The following ESCO1 variants were observed in gnomAD, a reference collection of about 807,000 sequenced individuals.
The protein encoded by ESCO1 is N-acetyltransferase ESCO1.
A neutral mutation model predicts 83.5 loss-of-function variants in ESCO1; 33 were observed. That is an observed-to-expected ratio of 0.40 (90% CI 0.30 to 0.53). ESCO1 has a LOEUF of 0.53. Ranked by LOEUF, ESCO1 falls within the 20% of genes least tolerant of loss-of-function variation. The pLI is 0.63. For missense variants in ESCO1, 855 were observed against 968.0 expected, an observed-to-expected ratio of 0.88 and a Z score of 1.55; for synonymous variants, 332 against 324.3, an observed-to-expected ratio of 1.02 and a Z score of -0.25.
At chr18:21,563,206 T>C (rs991316991) in intron 7 of ESCO1, among the ~76,000 whole-genome samples, 1 of 151,706 alleles carries the variant, frequency 6.6e-6, no homozygotes, top group Non-Finnish European at 1.5e-5. Context: ...AATCAACTAC[T>C]GAAAGGAGGT....
chr18:21,552,364 G>A (rs1444134389), intron 8 of ESCO1, among the ~76,000 whole-genome samples: 1 of 152,108 alleles, frequency 6.6e-6, no homozygotes, highest in Admixed American at 6.5e-5. Flanking sequence ...ACTCATGGGG[G>A]TAGTTACCCC....
intron 11 of ESCO1, among the ~76,000 whole-genome samples, chr18:21,531,173 G>A (rs940469837): frequency 1.3e-5 from 2 of 152,224 alleles, no homozygotes; most frequent in African/African-American, 2.4e-5. Flanking sequence ...CAGGCACAGT[G>A]TCTCACACCT....
rs1228539644 is a variant in ESCO1 at position 21,573,633 on chromosome 18, T to C, written c.1211A>G (p.His404Arg). The C allele has an allele frequency of 6.2e-7, 1 of 1,614,188 alleles. No homozygotes were observed. Among genetic ancestry groups the C allele is most frequent in the Admixed American group, 1.7e-5 (1 of 60,018 alleles). Reference sequence around the variant, plus strand: ...GGAAACTTGAGAGTCCAACTTATTGTGCTGCACAGAGTTAAATTTTGAGAG... The same window carrying C: ...GGAAACTTGAGAGTCCAACTTATTGCGCTGCACAGAGTTAAATTTTGAGAG... ...IKLSKFNSVQ[H>R]NKLDSQVSPK... The change falls in exon 4 of 12, where the codon CAC becomes CGC. Residue 404 changes from histidine to arginine, a missense_variant. His to Arg is a conservative substitution (Grantham distance 29). Around this residue, in one of 2 missense-constraint regions of ESCO1, gnomAD observed 726 missense variants for 699.5 expected, o/e 1.04. Transcript: ENST00000269214.
At chr18:21,562,665 T>C (rs2038204049) in intron 7 of ESCO1, among the ~76,000 whole-genome samples, 1 of 151,906 alleles carries the variant, frequency 6.6e-6, no homozygotes, top group Admixed American at 6.6e-5. Context: ...TCCTACTGAT[T>C]ATGTTGACTG....
intron 4 of ESCO1, among the ~76,000 whole-genome samples, chr18:21,570,920 T>G (rs1417746270): frequency 6.7e-6 from 1 of 148,942 alleles, no homozygotes; most frequent in South Asian, 2.1e-4. Context: ...GAGCCTGCAG[T>G]GAGCCGAGAT....
chr18:21,554,833 G>A (rs1416611197), intron 8 of ESCO1, among the ~76,000 whole-genome samples: 1 of 152,192 alleles, frequency 6.6e-6, no homozygotes, highest in Admixed American at 6.5e-5. Flanking sequence ...GCTTGAACCC[G>A]AGAGGCGGAG....
chr18:21,593,030 G>C (rs1218612115), intron 1 of ESCO1: 2 of 162,138 alleles, frequency 1.2e-5, no homozygotes, highest in Non-Finnish European at 2.7e-5. Context: ...TCCTAGATGG[G>C]ATGGCGGCCG....
intron 8 of ESCO1, among the ~76,000 whole-genome samples, chr18:21,556,216 T>C (rs1278003312): frequency 6.6e-6 from 1 of 152,184 alleles, no homozygotes; most frequent in Non-Finnish European, 1.5e-5. Context: ...ACTGTGCCAC[T>C]GCACTCTGGT....
At chr18:21,579,685 T>C (rs1426206449) in intron 2 of ESCO1, among the ~76,000 whole-genome samples, 5 of 149,536 alleles carry the variant, frequency 3.3e-5, no homozygotes, top group Admixed American at 1.3e-4. Context: ...GGCAGGAGAA[T>C]TGCTTGAACC....
At chr18:21,585,140 C>CA (rs34965491) in intron 1 of ESCO1, among the ~76,000 whole-genome samples, 29 of 113,472 alleles carry the variant, frequency 2.6e-4, no homozygotes, top group African/African-American at 3.9e-4. Flanking sequence ...GACTCCATCT[C>CA]AAAAAAAAAA....
chr18:21,600,389 G>A (rs1017557715), intron 1 of ESCO1, among the ~76,000 whole-genome samples: 1 of 152,266 alleles, frequency 6.6e-6, no homozygotes, highest in Non-Finnish European at 1.5e-5. Context: ...GTGGTGCGCG[G>A]ACACGCGAGC....
intron 5 of ESCO1, 92 bp from the exon 6 acceptor site, chr18:21,566,298 C>T: frequency 8.9e-7 from 1 of 1,117,514 alleles, no homozygotes; most frequent in South Asian, 1.5e-5. Flanking sequence ...AGAAAAAAAC[C>T]TTCAATGCAT....
chr18:21,532,785 A>T, intron 10 of ESCO1, 125 bp from the exon 11 acceptor site: 1 of 799,734 alleles, frequency 1.3e-6, no homozygotes, highest in Non-Finnish European at 1.9e-6. Context: ...TTATGCTTTC[A>T]CTCTCATTTT....
At chr18:21,589,963 G>A (rs915686781) in intron 1 of ESCO1, among the ~76,000 whole-genome samples, 1 of 151,764 alleles carries the variant, frequency 6.6e-6, no homozygotes, top group African/African-American at 2.4e-5. Context: ...GAGTAGCTGG[G>A]ACTACAGGCA....
At chr18:21,589,743 C>T (rs769312883) in intron 1 of ESCO1, among the ~76,000 whole-genome samples, 16 of 152,138 alleles carry the variant, frequency 1.1e-4, no homozygotes, top group Non-Finnish European at 1.5e-4. Flanking sequence ...AAAGCAAAGA[C>T]GGCAAAGTCT....
rs529581597 is a variant in ESCO1, at chr18:21,562,153, T to A, written c.1822-1163A>T. Among the ~76,000 whole-genome samples, 381 of 152,296 alleles carry A rather than the reference T, an allele frequency of 2.5e-3. 2 individuals are homozygous for A. The highest frequency in any genetic ancestry group is 8.7e-3 in the African/African-American group (360 of 41,582). On this transcript the variant is annotated intron_variant, in intron 7 of 11. Transcript: ENST00000269214. The stretch of plus-strand genomic sequence containing the variant: ...CCTCGGCCTCCCAAAGTGCTAGGAT[T>A]ACAGGCATGAGCCACCGCACCCAAT...
chr18:21,540,833 G>T, intron 8 of ESCO1: 1 of 738,658 alleles, frequency 1.4e-6, no homozygotes, highest in Non-Finnish European at 1.7e-6. Flanking sequence ...TGTTCCAGTT[G>T]TCTTAACCCA....
intron 1 of ESCO1, among the ~76,000 whole-genome samples, chr18:21,592,079 C>T (rs1216499220): frequency 1.3e-5 from 2 of 151,516 alleles, no homozygotes; most frequent in Non-Finnish European, 2.9e-5. Context: ...TCTTTCCACA[C>T]AGACATGGCA....
intron 1 of ESCO1, among the ~76,000 whole-genome samples, chr18:21,598,518 G>A (rs914560388): frequency 4.3e-5 from 6 of 140,920 alleles, no homozygotes; most frequent in Non-Finnish European, 6.1e-5. Context: ...TGGCCAACAC[G>A]GTGAAACCCT....
Sources: allele counts gnomAD v4.1 joint callset (sites outside exome capture counted in the v4.1 genomes callset), GRCh38; gene constraint gnomAD v4.1.1; regional missense constraint gnomAD v4.1.1; transcripts MANE v1.5; gene names NCBI Gene and HGNC (gene_info 2026-07-23, HGNC 2026-07-21).